The following NTRK3 variants were observed in gnomAD, a reference collection of about 807,000 sequenced individuals.
The protein encoded by NTRK3 is NT-3 growth factor receptor.
NTRK3 carries 24 observed loss-of-function variants against 91.7 expected under a neutral mutation model. That is an observed-to-expected ratio of 0.26 (90% CI 0.19 to 0.37). The LOEUF is 0.37. Ranked by LOEUF, NTRK3 falls within the 10% of genes least tolerant of loss-of-function variation. The pLI is 1.00. For synonymous variants in NTRK3, 483 were observed against 404.0 expected (o/e 1.20, Z -2.34); for missense variants, 880 against 1,068.9 (o/e 0.82, Z 2.46).
intron 5 of NTRK3, among the ~76,000 whole-genome samples, chr15:88,147,767 G>C (rs1458819650): frequency 6.6e-6 from 1 of 152,120 alleles, no homozygotes; most frequent in East Asian, 1.9e-4. Flanking sequence ...TCTCAGAGTA[G>C]ATAAGCCCAC....
At chr15:88,231,999 A>G (rs527492217) in intron 3 of NTRK3, among the ~76,000 whole-genome samples, 3 of 152,292 alleles carry the variant, frequency 2.0e-5, no homozygotes, top group South Asian at 2.1e-4. Flanking sequence ...TAACCGGATA[A>G]GGTACAGATG....
At chr15:88,141,867 C>A (rs907051976) in intron 6 of NTRK3, among the ~76,000 whole-genome samples, 1 of 152,222 alleles carries the variant, frequency 6.6e-6, no homozygotes, top group Admixed American at 6.5e-5. Flanking sequence ...TCCTTTCCCC[C>A]CAGGGTCCTG....
exon 19 of NTRK3, chr15:87,876,886 C>A (rs1474981747): frequency 6.3e-7 from 1 of 1,595,894 alleles, no homozygotes; most frequent in East Asian, 2.2e-5. Flanking sequence ...AGATGTGAGG[C>A]AGGGAGAGAG....
At chr15:88,115,743 T>C in intron 13 of NTRK3, among the ~76,000 whole-genome samples, 1 of 152,050 alleles carries the variant, frequency 6.6e-6, no homozygotes, top group East Asian at 1.9e-4. Flanking sequence ...TCAGTGTGAA[T>C]ACCAACCGCC....
intron 13 of NTRK3, among the ~76,000 whole-genome samples, chr15:88,101,479 A>C (rs2050166827): frequency 6.6e-6 from 1 of 152,224 alleles, no homozygotes; most frequent in Non-Finnish European, 1.5e-5. Flanking sequence ...GGAATCTAGA[A>C]CTAGAAATAC....
intron 14 of NTRK3, among the ~76,000 whole-genome samples, chr15:87,948,454 G>T (rs747893784): frequency 2.0e-5 from 3 of 152,178 alleles, no homozygotes; most frequent in Admixed American, 6.5e-5. Flanking sequence ...TTGGGAGGCC[G>T]AGGTGGGTGG....
intron 6 of NTRK3, among the ~76,000 whole-genome samples, chr15:88,139,119 G>A (rs2042148310): frequency 6.6e-6 from 1 of 152,200 alleles, no homozygotes; most frequent in African/African-American, 2.4e-5. Context: ...TCCTCCAGGA[G>A]CACTCAGCCT....
At chr15:88,201,074 TATTA>T (rs1342404552) in intron 3 of NTRK3, among the ~76,000 whole-genome samples, 12 of 152,152 alleles carry the variant, frequency 7.9e-5, no homozygotes, top group Admixed American at 5.9e-4. Flanking sequence ...TACGCCGCAT[TATTA>T]ATTTTCGGTT....
intron 15 of NTRK3, among the ~76,000 whole-genome samples, chr15:87,937,834 G>T (rs1453305481): frequency 6.6e-6 from 1 of 152,064 alleles, no homozygotes; most frequent in Non-Finnish European, 1.5e-5. Context: ...GGAAATAAAA[G>T]ATATGGTCTT....
chr15:88,015,798 T>A lies in NTRK3; in HGVS notation c.1585+17059A>T, dbSNP rs558603804. ...AAATCATCTTTGTACTCAGTTTTTCTCCTGCACTATGTTTATTCTGGAGTT... is the reference window on the plus strand; with the variant it reads ...AAATCATCTTTGTACTCAGTTTTTCACCTGCACTATGTTTATTCTGGAGTT... On this transcript the variant is annotated intron_variant, in intron 14 of 18. Coordinates refer to ENST00000394480, the Ensembl canonical transcript of NTRK3. 3.9e-5 allele frequency among the ~76,000 whole-genome samples: 6 copies of A among 152,296 alleles called. No homozygotes were observed. The South Asian group carries it at 1.2e-3, about 32-fold the overall frequency.
intron 14 of NTRK3, among the ~76,000 whole-genome samples, chr15:87,986,555 GT>G (rs1195456687): frequency 6.6e-6 from 1 of 152,200 alleles, no homozygotes; most frequent in Non-Finnish European, 1.5e-5. Flanking sequence ...TTCTGTGTAA[GT>G]TTAAGCTTTT....
At chr15:88,052,218 AGGTAGCC>A (rs567480132) in intron 13 of NTRK3, among the ~76,000 whole-genome samples, 3 of 152,230 alleles carry the variant, frequency 2.0e-5, no homozygotes, top group African/African-American at 7.2e-5. Context: ...ATAGGACAGG[AGGTAGCC>A]TGCACTCAAC....
intron 13 of NTRK3, among the ~76,000 whole-genome samples, chr15:88,121,988 T>A (rs1290148114): frequency 6.6e-6 from 1 of 152,236 alleles, no homozygotes; most frequent in Non-Finnish European, 1.5e-5. Context: ...ATGTTCGGTT[T>A]GTTTCTAGGA....
chr15:88,215,346 C>A (rs373874299), intron 3 of NTRK3, among the ~76,000 whole-genome samples: 1 of 152,224 alleles, frequency 6.6e-6, no homozygotes, highest in Non-Finnish European at 1.5e-5. Context: ...CAAACACGGC[C>A]CCCCACTGCC....
intron 3 of NTRK3, among the ~76,000 whole-genome samples, chr15:88,253,954 AC>A (rs2053719000): frequency 6.6e-6 from 1 of 151,872 alleles, no homozygotes. Context: ...GAGGAGCAAC[AC>A]CTCTGTGTGG....
Position 88,135,890 on chromosome 15 carries a change from T to G in NTRK3, c.907+9A>C. The G allele has an allele frequency of 6.2e-7, 1 of 1,614,046 alleles. No individual in the cohort carries two copies. The highest frequency in any genetic ancestry group is 8.5e-7 in the Non-Finnish European group (1 of 1,179,958). ...CACACAGCCATCCCCCACAATAACA[T>G]GCACTTACAGTAGACAGTGAGGGCA... is the stretch of plus-strand genomic sequence containing the variant. On this transcript the variant is annotated intron_variant, in intron 9 of 18. Coordinates refer to ENST00000394480, the Ensembl canonical transcript of NTRK3.
At chr15:87,939,718 C>A (rs1047757631) in intron 15 of NTRK3, among the ~76,000 whole-genome samples, 4 of 152,200 alleles carry the variant, frequency 2.6e-5, no homozygotes, top group African/African-American at 9.7e-5. Context: ...TCTACACTGG[C>A]CTCAGAAGCC....
intron 3 of NTRK3, among the ~76,000 whole-genome samples, chr15:88,189,578 G>T (rs1346526671): frequency 6.6e-6 from 1 of 152,048 alleles, no homozygotes; most frequent in African/African-American, 2.4e-5. Flanking sequence ...CCGAGTAGCT[G>T]GGATTACAGA....
At chr15:88,168,232 T>C (rs891495403) in intron 5 of NTRK3, among the ~76,000 whole-genome samples, 1 of 152,176 alleles carries the variant, frequency 6.6e-6, no homozygotes, top group Non-Finnish European at 1.5e-5. Context: ...ACTAGTGATA[T>C]GTGAAAAGTC....
Sources: gnomAD v4.1 joint callset for allele counts (sites outside exome capture counted in the v4.1 genomes callset) on GRCh38, gnomAD v4.1.1 for gene constraint, MANE v1.5 for transcripts, NCBI Gene and HGNC (gene_info 2026-07-23, HGNC 2026-07-21) for gene names.